The following HFM1 variants were observed in gnomAD, a reference collection of about 807,000 sequenced individuals.
HFM1 encodes the protein helicase for meiosis 1, also known as probable ATP-dependent DNA helicase HFM1.
Under a neutral mutation model 192.1 loss-of-function variants are expected in HFM1, and 169 were observed. The observed-to-expected ratio is 0.88, with a 90% confidence interval of 0.78 to 1.00. The LOEUF (loss-of-function observed/expected upper bound fraction) is 1.00. Among genes scored for constraint, HFM1 ranks in the 50% least tolerant of loss-of-function variants. HFM1 has a pLI of 0.00. For synonymous variants in HFM1, 525 were observed against 537.8 expected (o/e 0.98, Z 0.33); for missense variants, 1,661 against 1,668.0 (o/e 1.00, Z 0.07).
chr1:91,272,467 G>T (rs1455674024), intron 34 of HFM1, among the ~76,000 whole-genome samples: 1 of 151,946 alleles, frequency 6.6e-6, no homozygotes, highest in African/African-American at 2.4e-5. Flanking sequence ...ATATAAATTG[G>T]ATTTGGAATA....
chr1:91,315,723 C>T, intron 28 of HFM1, 92 bp downstream of exon 28: 1 of 876,134 alleles, frequency 1.1e-6, no homozygotes. Context: ...TAGTTGATCC[C>T]ACAATGATCT....
intron 30 of HFM1, among the ~76,000 whole-genome samples, chr1:91,299,422 C>T (rs1648293459): frequency 6.6e-6 from 1 of 152,190 alleles, no homozygotes; most frequent in South Asian, 2.1e-4. Flanking sequence ...CTCAGCTCTG[C>T]ACCAACCGGA....
At chr1:91,281,166 TAA>T in intron 30 of HFM1, among the ~76,000 whole-genome samples, 1 of 152,332 alleles carries the variant, frequency 6.6e-6, no homozygotes. Flanking sequence ...GAAATCATGG[TAA>T]CTCCAGAGTG....
chr1:91,381,972 C>T (rs1414952953), intron 6 of HFM1, among the ~76,000 whole-genome samples: 1 of 152,062 alleles, frequency 6.6e-6, no homozygotes, highest in East Asian at 1.9e-4. Context: ...TCCACATGAT[C>T]GTCTCCCCAC....
At chr1:91,281,818 T>C (rs1179804097) in intron 30 of HFM1, among the ~76,000 whole-genome samples, 1 of 152,160 alleles carries the variant, frequency 6.6e-6, no homozygotes, top group Non-Finnish European at 1.5e-5. Context: ...CCTCGAACTC[T>C]TGGGCGCACG....
intron 20 of HFM1, among the ~76,000 whole-genome samples, chr1:91,327,675 A>G (rs1653120796): frequency 6.6e-6 from 1 of 152,244 alleles, no homozygotes; most frequent in African/African-American, 2.4e-5. Flanking sequence ...GCTGCAGAAT[A>G]CACATCTTTC....
rs977033437 is a variant in HFM1, at chr1:91,316,400, T to C, written c.2889A>G (p.Glu963=). 1.9e-6 allele frequency: 3 copies of C among 1,546,592 alleles called. No homozygotes were observed. Among genetic ancestry groups the C allele is most frequent in the Admixed American group, 3.7e-5 (2 of 53,340 alleles). ...AAGTGAATATAACTACCAATTCAAG[T>C]TCCCTTGCATCTGTCTCTTCTATTT... is the stretch of plus-strand genomic sequence containing the variant. ...FKKIEETDAR[E]LELILNRHPP... is the part of the protein sequence containing the mutation. Residue 963 remains glutamate, a synonymous_variant, in exon 26 of 39, where the codon GAA becomes GAG. Transcript: ENST00000370425.
chr1:91,382,327 A>T (rs1279956785), intron 6 of HFM1, among the ~76,000 whole-genome samples: 4 of 152,014 alleles, frequency 2.6e-5, no homozygotes, highest in Non-Finnish European at 5.9e-5. Flanking sequence ...CTTTCTAAAA[A>T]ACTCTGACTT....
intron 16 of HFM1, among the ~76,000 whole-genome samples, chr1:91,352,142 G>A (rs2101735063): frequency 2.0e-5 from 3 of 151,436 alleles, no homozygotes; most frequent in Middle Eastern, 3.4e-3. Flanking sequence ...TAGGACCTAG[G>A]GATGTTTCAT....
At chr1:91,390,410 T>G (rs1468214669) in intron 4 of HFM1, among the ~76,000 whole-genome samples, 2 of 128,614 alleles carry the variant, frequency 1.6e-5, no homozygotes, top group Middle Eastern at 4.2e-3. Flanking sequence ...CACTCAAGCC[T>G]GGGTGACAGA....
At position 91,396,284 on chromosome 1, in the gene HFM1, A is replaced by G. The variant is rs1401619296; in HGVS notation, c.184+9T>C. The G allele has an allele frequency of 1.5e-6, 2 of 1,355,976 alleles. No homozygotes were observed. Among genetic ancestry groups the G allele is most frequent in the Admixed American group, 3.7e-5 (2 of 54,756 alleles). 84.0% of individuals were successfully genotyped at this position (1,355,976 alleles called of 1,614,324 possible). ...GGTTTGGCTTCAAAACAAATATGTG[A>G]TAATTTACCTAACAGTTTATGACTT... On this transcript the variant is annotated intron_variant, in intron 3 of 38. Transcript: ENST00000370425.
Position 91,322,964 on chromosome 1 carries a change from T to A in HFM1, c.2568A>T (p.Glu856Asp). 2.2e-6 allele frequency: 3 copies of A among 1,363,962 alleles called. No individual in the cohort carries two copies. The highest frequency in any genetic ancestry group is 2.9e-6 in the Non-Finnish European group (3 of 1,017,056). The allele number at this position is 1,363,962 out of a possible 1,614,324, so 84.5% of individuals were successfully genotyped here. Residue 856 changes from glutamate (E) to aspartate (D), a missense_variant, in exon 23 of 39, where the codon GAA (glutamate) becomes GAT (aspartate). Transcript: ENST00000370425. Reference protein sequence around the residue: ...FPMEGRIKTREMKVNCLIQAQ... With the variant: ...FPMEGRIKTRDMKVNCLIQAQ... ...ATCATCTTTACCAATTTACTTTCAT[T>A]TCTCTTGTTTTAATTCTTCCTTCCA...
At chr1:91,318,767 G>A (rs929095642) in intron 25 of HFM1, among the ~76,000 whole-genome samples, 1 of 152,228 alleles carries the variant, frequency 6.6e-6, no homozygotes, top group Non-Finnish European at 1.5e-5. Flanking sequence ...AAAAGTGGAA[G>A]AGAGGGCATC....
chr1:91,385,655 G>C lies in HFM1; in HGVS notation c.674C>G (p.Ala225Gly). 6.2e-7 allele frequency: 1 copy of C among 1,611,944 alleles called. No homozygotes were observed. The highest frequency in any genetic ancestry group is 1.1e-5 in the South Asian group (1 of 91,046). ...YSANVFTANN[A>G]FSASEIGEGM... ...TTCTCCGATTTCAGAAGCAGAAAAAGCATTATTTGCTGTAAACACATTTGC... is the reference window on the plus strand; with the variant it reads ...TTCTCCGATTTCAGAAGCAGAAAAACCATTATTTGCTGTAAACACATTTGC... Residue 225 changes from alanine to glycine, a missense_variant, in exon 5 of 39, where the codon GCT (alanine) becomes GGT (glycine). Ala to Gly is a moderately conservative substitution (Grantham distance 60). Transcript: ENST00000370425.
intron 20 of HFM1, chr1:91,328,467 T>A (rs1351675622): frequency 1.2e-6 from 2 of 1,613,320 alleles, no homozygotes. Flanking sequence ...ACTTTGGCCG[T>A]AAGGTGGCCA....
In HFM1 at chr1:91,261,194, G is replaced by A. The variant is rs79868049; in HGVS notation, c.*96C>T. On this transcript the variant is annotated 3_prime_UTR_variant, in exon 39 of 39. Transcript: ENST00000370425. ...AATCAAATACAGGAGAAAAAAATCC[G>A]AACAATTATGAACTACTTTTTAAAA... 2.4e-3 allele frequency: 1,190 copies of A among 505,282 alleles called. 12 individuals are homozygous for A. The East Asian group carries it at 0.025, about 10-fold the overall frequency. 31.3% of individuals were successfully genotyped at this position (505,282 alleles called of 1,614,324 possible). A position where few individuals can be genotyped will look rare whatever the true frequency, so the allele number is the denominator to read the frequency against.
At chr1:91,304,805 T>C (rs1203002044) in intron 30 of HFM1, among the ~76,000 whole-genome samples, 1 of 152,090 alleles carries the variant, frequency 6.6e-6, no homozygotes, top group Admixed American at 6.5e-5. Flanking sequence ...GTTTTACCTT[T>C]AGGTCTTTGA....
At chr1:91,398,904 G>A (rs992023411) in intron 2 of HFM1, among the ~76,000 whole-genome samples, 17 of 152,032 alleles carry the variant, frequency 1.1e-4, no homozygotes, top group Non-Finnish European at 2.1e-4. Flanking sequence ...TGTTGGCCAG[G>A]CTAGTCTCAA....
rs181118666 is a variant in HFM1, at chr1:91,290,227, A to C, written c.3392-13165T>G. On this transcript the variant is annotated intron_variant, in intron 30 of 38. Transcript: ENST00000370425. The stretch of plus-strand genomic sequence containing the variant: ...ATTAACTTTAAATGTACATGGACTA[A>C]ATGCTCCAATTAAAAGACACAGACT... 1.9e-3 allele frequency among the ~76,000 whole-genome samples: 283 copies of C among 152,320 alleles called. 1 individual carries two copies. Among genetic ancestry groups the C allele is most frequent in the African/African-American group, 6.2e-3 (257 of 41,560 alleles).
Sources: gnomAD v4.1 joint callset for allele counts (sites outside exome capture counted in the v4.1 genomes callset) on GRCh38, gnomAD v4.1.1 for gene constraint, MANE v1.5 for transcripts, NCBI Gene and HGNC (gene_info 2026-07-23, HGNC 2026-07-21) for gene names.